Variants in AMPH observed in about 807,000 individuals in gnomAD.
AMPH encodes the protein amphiphysin (Stiff-Mann syndrome with breast cancer 128kD autoantigen).
A neutral mutation model predicts 99.1 loss-of-function variants in AMPH; 49 were observed. The ratio of observed to expected loss-of-function variants is 0.49; its 90% CI spans 0.39 to 0.63. The LOEUF (loss-of-function observed/expected upper bound fraction) is 0.63, where lower values mean the gene tolerates loss of function less well. AMPH is among the 20% of genes least tolerant of loss of function. The pLI, the probability that AMPH is intolerant of heterozygous loss-of-function variation, is 0.00. For synonymous variants in AMPH, 314 were observed against 317.3 expected, an observed-to-expected ratio of 0.99 and a Z score of 0.11; for missense variants, 759 against 863.4, an observed-to-expected ratio of 0.88 and a Z score of 1.52.
intron 2 of AMPH, among the ~76,000 whole-genome samples, chr7:38,512,258 A>G (rs1486038447): frequency 6.6e-6 from 1 of 152,236 alleles, no homozygotes; most frequent in Non-Finnish European, 1.5e-5. Flanking sequence ...GGTGACTTAT[A>G]AGAGAGAATC....
chr7:38,400,489 A>G (rs1260966083), intron 17 of AMPH, among the ~76,000 whole-genome samples: 2 of 152,218 alleles, frequency 1.3e-5, no homozygotes, highest in Non-Finnish European at 2.9e-5. Context: ...CTTTAGCAAA[A>G]TTTTCTGGAA....
chr7:38,583,655 T>C (rs1367192330), intron 1 of AMPH, among the ~76,000 whole-genome samples: 2 of 152,094 alleles, frequency 1.3e-5, no homozygotes, highest in Non-Finnish European at 2.9e-5. Flanking sequence ...TGGTGGACAA[T>C]AAGAATACTA....
At chr7:38,542,878 A>T (rs932062998) in intron 1 of AMPH, among the ~76,000 whole-genome samples, 2 of 151,486 alleles carry the variant, frequency 1.3e-5, no homozygotes, top group African/African-American at 4.9e-5. Context: ...GGCGGATCAC[A>T]AGGTCAGGAG....
chr7:38,623,022 G>A (rs887270429), intron 1 of AMPH, among the ~76,000 whole-genome samples: 1 of 152,190 alleles, frequency 6.6e-6, no homozygotes, highest in Non-Finnish European at 1.5e-5. Flanking sequence ...TTTCTCACAA[G>A]GCTGTAGTAA....
chr7:38,393,387 G>T (rs910362031), intron 18 of AMPH, among the ~76,000 whole-genome samples: 2 of 152,170 alleles, frequency 1.3e-5, no homozygotes, highest in African/African-American at 4.8e-5. Flanking sequence ...ATGGAGGCAG[G>T]CCCTGGGGTT....
intron 2 of AMPH, among the ~76,000 whole-genome samples, chr7:38,510,501 C>T (rs1789495773): frequency 1.3e-5 from 2 of 152,188 alleles, no homozygotes; most frequent in African/African-American, 4.8e-5. Flanking sequence ...TGAGTGGCCA[C>T]TTTGATCCAG....
chr7:38,562,615 G>T (rs1420983881), intron 1 of AMPH, among the ~76,000 whole-genome samples: 4 of 150,844 alleles, frequency 2.7e-5, no homozygotes, highest in African/African-American at 9.7e-5. Context: ...TATTGGGATT[G>T]TAACAAAATA....
intron 1 of AMPH, among the ~76,000 whole-genome samples, chr7:38,628,436 C>T (rs1057241931): frequency 1.4e-4 from 22 of 152,174 alleles, no homozygotes; most frequent in Non-Finnish European, 3.2e-4. Context: ...GGTGTGCAAA[C>T]ATTCTCCCTA....
chr7:38,429,961 GGCTATA>G (rs1785940936), intron 13 of AMPH, 96 bp from the exon 14 acceptor site: 7 of 1,173,876 alleles, frequency 6.0e-6, no homozygotes, highest in Non-Finnish European at 8.4e-6. Flanking sequence ...TTCTGCTGAA[GGCTATA>G]GCTTTTACTG....
In AMPH at chr7:38,386,745, A is replaced by T. The variant is rs886579216; in HGVS notation, c.1981-1820T>A. ...AAAGTGTAAATTTATATATAATGGG[A>T]TGGGTATAAATAATGGGTAAAACTA... On this transcript the variant is annotated intron_variant, in intron 20 of 20. Coordinates refer to ENST00000356264, the MANE Select transcript of AMPH (RefSeq NM_001635.4). 3.3e-5 allele frequency among the ~76,000 whole-genome samples: 5 copies of T among 152,312 alleles called. No individual in the cohort carries two copies. In the East Asian group the frequency reaches 9.6e-4, roughly 29 times the overall value.
At chr7:38,488,189 A>C in intron 5 of AMPH, among the ~76,000 whole-genome samples, 1 of 152,208 alleles carries the variant, frequency 6.6e-6, no homozygotes, top group East Asian at 1.9e-4. Context: ...TACCCAAAGG[A>C]TTATAACTCA....
intron 11 of AMPH, among the ~76,000 whole-genome samples, chr7:38,439,837 T>A (rs568529089): frequency 2.0e-5 from 3 of 152,232 alleles, no homozygotes; most frequent in Admixed American, 1.3e-4. Flanking sequence ...AGTTTATCAG[T>A]AAAGTACCGG....
At chr7:38,403,369 T>C (rs959269647) in intron 17 of AMPH, among the ~76,000 whole-genome samples, 21 of 152,196 alleles carry the variant, frequency 1.4e-4, no homozygotes, top group African/African-American at 4.8e-4. Flanking sequence ...CCTTGTGACC[T>C]TCGGCAATGC....
chr7:38,421,912 C>A (rs572517113), intron 16 of AMPH, among the ~76,000 whole-genome samples: 1 of 152,322 alleles, frequency 6.6e-6, no homozygotes, highest in Non-Finnish European at 1.5e-5. Context: ...GTAACTATTT[C>A]TATTTCTTAC....
intron 1 of AMPH, among the ~76,000 whole-genome samples, chr7:38,565,685 G>A (rs1316463903): frequency 6.6e-6 from 1 of 150,454 alleles, no homozygotes. Context: ...AATTTGGGGG[G>A]TGGGGAGGTC....
intron 1 of AMPH, among the ~76,000 whole-genome samples, chr7:38,603,188 C>T (rs903844450): frequency 1.4e-4 from 22 of 151,952 alleles, no homozygotes; most frequent in African/African-American, 4.1e-4. Context: ...TGGTGGCATG[C>T]GCCTGTAATC....
chr7:38,568,463 TC>T (rs1218975311), intron 1 of AMPH, among the ~76,000 whole-genome samples: 2 of 151,912 alleles, frequency 1.3e-5, no homozygotes, highest in African/African-American at 4.8e-5. Flanking sequence ...AGACTCCGTC[TC>T]CAAAAAAAAA....
At chr7:38,394,951 G>A (rs892649147) in intron 17 of AMPH, among the ~76,000 whole-genome samples, 4 of 152,148 alleles carry the variant, frequency 2.6e-5, no homozygotes, top group Non-Finnish European at 2.9e-5. Context: ...AAAAGCACAC[G>A]TCACAGATCC....
At chr7:38,567,591 AT>A (rs1791793238) in intron 1 of AMPH, among the ~76,000 whole-genome samples, 1 of 152,198 alleles carries the variant, frequency 6.6e-6, no homozygotes, top group African/African-American at 2.4e-5. Flanking sequence ...ATCACAATGC[AT>A]TGCTATCCAT....
Sources: gnomAD v4.1 joint callset for allele counts (sites outside exome capture counted in the v4.1 genomes callset) on GRCh38, gnomAD v4.1.1 for gene constraint, MANE v1.5 for transcripts, NCBI Gene and HGNC (gene_info 2026-07-23, HGNC 2026-07-21) for gene names.